The following PDE8A variants were observed in gnomAD, a reference collection of about 807,000 sequenced individuals.
The protein encoded by PDE8A is phosphodiesterase 8A.
Under a neutral mutation model 105.0 loss-of-function variants are expected in PDE8A, and 59 were observed. That is an observed-to-expected ratio of 0.56 (90% CI 0.46 to 0.70). The LOEUF is 0.70. Ranked by LOEUF, PDE8A falls within the 30% of genes least tolerant of loss-of-function variation. PDE8A has a pLI of 0.00. For missense variants in PDE8A, 1,014 were observed against 1,045.9 expected (o/e 0.97, Z 0.42); for synonymous variants, 355 against 371.9 (o/e 0.95, Z 0.52).
At chr15:85,085,435 C>T (rs2081535779) in intron 6 of PDE8A, among the ~76,000 whole-genome samples, 1 of 152,190 alleles carries the variant, frequency 6.6e-6, no homozygotes, top group South Asian at 2.1e-4. Flanking sequence ...CACGGTGGCT[C>T]ATGCCTGTAA....
chr15:85,091,901 CTTTTTTT>C (rs563631633), intron 8 of PDE8A, among the ~76,000 whole-genome samples: 3 of 88,390 alleles, frequency 3.4e-5, no homozygotes, highest in Non-Finnish European at 6.4e-5. Flanking sequence ...TTCTGCTGGA[CTTTTTTT>C]TTTTTTTTTT....
At chr15:85,076,635 C>T (rs1171762428) in intron 4 of PDE8A, 98 bp from the exon 5 acceptor site, 1 of 764,136 alleles carries the variant, frequency 1.3e-6, no homozygotes, top group Non-Finnish European at 2.4e-6. Context: ...TAAAAGTACT[C>T]ATTACATAAC....
upstream of PDE8A, among the ~76,000 whole-genome samples, chr15:84,981,743 TC>T (rs2079711020): frequency 6.7e-6 from 1 of 150,130 alleles, no homozygotes; most frequent in Non-Finnish European, 1.5e-5. Context: ...GGAGCTCGCC[TC>T]CCCCGGGGGT....
At chr15:85,104,026 TA>T (rs2081908384) in intron 11 of PDE8A, among the ~76,000 whole-genome samples, 2 of 151,994 alleles carry the variant, frequency 1.3e-5, no homozygotes, top group South Asian at 4.2e-4. Context: ...TCCAAAAGAG[TA>T]ATAAAATCCC....
At chr15:85,025,006 T>C (rs1852585923) in intron 1 of PDE8A, among the ~76,000 whole-genome samples, 1 of 152,242 alleles carries the variant, frequency 6.6e-6, no homozygotes, top group Non-Finnish European at 1.5e-5. Flanking sequence ...ATTAGATTTA[T>C]CTGGTGTTTT....
At chr15:85,067,510 C>T (rs2081248472) in intron 3 of PDE8A, among the ~76,000 whole-genome samples, 1 of 152,108 alleles carries the variant, frequency 6.6e-6, no homozygotes, top group South Asian at 2.1e-4. Context: ...TATAATTTTT[C>T]AGATTGTTTT....
chr15:85,113,480 A>C, intron 13 of PDE8A, 33 bp downstream of exon 13: 1 of 1,538,648 alleles, frequency 6.5e-7, no homozygotes. Flanking sequence ...TCCATTGAGC[A>C]CACATACTCC....
chr15:85,099,635 G>T (rs908210355), intron 9 of PDE8A: 1 of 197,656 alleles, frequency 5.1e-6, no homozygotes, highest in Non-Finnish European at 1.0e-5. Context: ...GGCCACCAGT[G>T]ACCGTGAGCA....
At chr15:85,012,622 A>T (rs978608100) in intron 1 of PDE8A, among the ~76,000 whole-genome samples, 42 of 151,830 alleles carry the variant, frequency 2.8e-4, no homozygotes, top group Non-Finnish European at 4.9e-4. Flanking sequence ...TGGGTGCAGC[A>T]CACCAGCATG....
chr15:84,997,309 T>G (rs1372767503), intron 1 of PDE8A, among the ~76,000 whole-genome samples: 2 of 152,076 alleles, frequency 1.3e-5, no homozygotes, highest in African/African-American at 2.4e-5. Flanking sequence ...TCCTCCCACC[T>G]TAGCCTCCTA....
chr15:85,029,565 T>G (rs1459790363), intron 1 of PDE8A, among the ~76,000 whole-genome samples: 1 of 152,098 alleles, frequency 6.6e-6, no homozygotes. Context: ...AATATACATT[T>G]TACTTCTATT....
intron 1 of PDE8A, among the ~76,000 whole-genome samples, chr15:85,056,952 T>A (rs2081069707): frequency 6.6e-6 from 1 of 152,228 alleles, no homozygotes; most frequent in Non-Finnish European, 1.5e-5. Context: ...TGTGGTTTTA[T>A]CTACCTTTGG....
chr15:84,992,350 C>G (rs1401735706), intron 1 of PDE8A, among the ~76,000 whole-genome samples: 1 of 151,978 alleles, frequency 6.6e-6, no homozygotes, highest in Non-Finnish European at 1.5e-5. Flanking sequence ...GAAAATATAT[C>G]TCTGGATAAG....
At chr15:85,107,786 G>T (rs1009861855) in intron 11 of PDE8A, among the ~76,000 whole-genome samples, 3 of 152,206 alleles carry the variant, frequency 2.0e-5, no homozygotes, top group African/African-American at 7.2e-5. Context: ...GAGCTCAGGA[G>T]AGAGGCCTGG....
chr15:85,059,412 A>T (rs532920598), intron 1 of PDE8A, among the ~76,000 whole-genome samples: 1 of 152,310 alleles, frequency 6.6e-6, no homozygotes, highest in African/African-American at 2.4e-5. Context: ...TCTAGCCATT[A>T]TTGAGAGGGG....
intron 4 of PDE8A, among the ~76,000 whole-genome samples, chr15:85,076,302 G>A (rs1461719879): frequency 2.0e-5 from 3 of 151,816 alleles, no homozygotes; most frequent in African/African-American, 7.3e-5. Flanking sequence ...TTAGGAGAAG[G>A]GCAAGTATTC....
chr15:85,098,164 T>C, intron 9 of PDE8A, 128 bp downstream of exon 9: 2 of 671,710 alleles, frequency 3.0e-6, no homozygotes, highest in Non-Finnish European at 5.4e-6. Flanking sequence ...CAGAATGGCC[T>C]TCCAGCATAG....
chr15:85,054,930 C>T (rs1316357863), intron 1 of PDE8A, among the ~76,000 whole-genome samples: 1 of 152,134 alleles, frequency 6.6e-6, no homozygotes, highest in Non-Finnish European at 1.5e-5. Context: ...TCTTTTCCTG[C>T]TTTCTCTTGT....
chr15:85,005,307 G>A (rs1419116014), intron 1 of PDE8A, among the ~76,000 whole-genome samples: 1 of 152,032 alleles, frequency 6.6e-6, no homozygotes, highest in African/African-American at 2.4e-5. Flanking sequence ...GTAGAGAAAG[G>A]TTCTCACTAT....
Sources: allele counts gnomAD v4.1 joint callset (sites outside exome capture counted in the v4.1 genomes callset), GRCh38; gene constraint gnomAD v4.1.1; transcripts MANE v1.5; gene names NCBI Gene and HGNC (gene_info 2026-07-23, HGNC 2026-07-21).